Variants in FGD3 observed in about 807,000 individuals in gnomAD.
FGD3 encodes the protein FYVE, RhoGEF and PH domain containing 3.
In FGD3, 45 loss-of-function variants were observed where a neutral mutation model predicts 71.8. The ratio of observed to expected loss-of-function variants is 0.63; its 90% confidence interval spans 0.49 to 0.80. The LOEUF is 0.80. FGD3 is among the 30% of genes least tolerant of loss of function. The pLI, the probability that FGD3 is intolerant of heterozygous loss-of-function variation, is 0.00. For missense variants in FGD3, 844 were observed against 951.5 expected (o/e 0.89, Z 1.49); for synonymous variants, 378 against 392.8 (o/e 0.96, Z 0.44).
At position 93,023,795 on chromosome 9, in the gene FGD3, C is replaced by CTTTTTTT. The variant is rs569058583; in HGVS notation, c.1557+1426_1557+1432dup. ...ATGACAGGAACCCGCCCATCAGCAACTTTTTTTTTTTTTTTTTTTTTTTTT... is the reference window on the plus strand; with the variant it reads ...ATGACAGGAACCCGCCCATCAGCAACTTTTTTTTTTTTTTTTTTTTTTTTTTTTTTTT... On this transcript the variant is annotated intron_variant, in intron 14 of 17. Coordinates refer to ENST00000375482, the MANE Select transcript of FGD3 (RefSeq NM_001083536.2). Among the ~76,000 whole-genome samples, 220 of 107,676 alleles carry CTTTTTTT rather than the reference C, an allele frequency of 2.0e-3. 11 individuals carry two copies. The highest frequency in any genetic ancestry group is 0.011 in the East Asian group (37 of 3,472). 70.6% of individuals were successfully genotyped at this position (107,676 alleles called of 152,430 possible).
rs1409009325 is a variant in FGD3, at chr9:92,976,638, A to G, written c.382A>G (p.Ser128Gly). The G allele has an allele frequency of 9.3e-6, 15 of 1,612,740 alleles. No individual in the cohort carries two copies. Among genetic ancestry groups the G allele is most frequent in the Non-Finnish European group, 1.3e-5 (15 of 1,179,832 alleles). ...GGTCACCCCCCAGGAGGAGGCGGAC[A>G]GCGACGTGGGTGAGGAACCTGACTC... Reference protein sequence around the residue: ...PKVTPQEEADSDVGEEPDSEN... With the variant: ...PKVTPQEEADGDVGEEPDSEN... Residue 128 changes from serine (S) to glycine (G), a missense_variant, in exon 3 of 18, where the codon AGC becomes GGC. Transcript: ENST00000375482.
intron 3 of FGD3, 77 bp downstream of exon 3, chr9:92,976,786 T>A (rs1478394338): frequency 3.6e-6 from 5 of 1,388,296 alleles, no homozygotes; most frequent in Non-Finnish European, 4.8e-6. Context: ...TCAGTGGGCG[T>A]CATCCCACAC....
chr9:93,012,687 C>CGG (rs1279341124), intron 8 of FGD3, among the ~76,000 whole-genome samples: 3 of 59,050 alleles, frequency 5.1e-5, no homozygotes. Flanking sequence ...TGGGCGGTGG[C>CGG]GGGGTGTGGG....
At chr9:92,954,611 AG>A (rs1411934870) in intron 1 of FGD3, among the ~76,000 whole-genome samples, 9 of 152,214 alleles carry the variant, frequency 5.9e-5, no homozygotes. Context: ...CTCCTTCCTC[AG>A]GGGCCATCTC....
At chr9:93,019,937 G>C in intron 12 of FGD3, 76 bp downstream of exon 12, 1 of 1,546,364 alleles carries the variant, frequency 6.5e-7, no homozygotes, top group African/African-American at 1.4e-5. Flanking sequence ...TGGTTCAGAG[G>C]GTGGGGGCCC....
chr9:93,031,713 G>T (rs556209427), intron 15 of FGD3, among the ~76,000 whole-genome samples: 1 of 152,288 alleles, frequency 6.6e-6, no homozygotes, highest in Non-Finnish European at 1.5e-5. Context: ...GTGCCTGCAG[G>T]TTTAGGTTCA....
At chr9:92,989,830 T>A (rs1860333552) in intron 3 of FGD3, among the ~76,000 whole-genome samples, 1 of 152,298 alleles carries the variant, frequency 6.6e-6, no homozygotes, top group East Asian at 1.9e-4. Context: ...GGCAGTTTCT[T>A]GCATGACTCA....
intron 9 of FGD3, 198 bp from the exon 10 acceptor site, chr9:93,015,539 A>G: frequency 2.3e-6 from 1 of 432,840 alleles, no homozygotes; most frequent in Non-Finnish European, 4.1e-6. Flanking sequence ...GAAATGAACA[A>G]AAATAAAGCT....
intron 3 of FGD3, among the ~76,000 whole-genome samples, chr9:92,987,212 C>A (rs374715402): frequency 1.3e-5 from 2 of 152,142 alleles, no homozygotes; most frequent in African/African-American, 4.8e-5. Flanking sequence ...GTGGGCAGAT[C>A]ATGAGGTCAG....
At chr9:92,954,623 C>T (rs1329954356) in intron 1 of FGD3, among the ~76,000 whole-genome samples, 2 of 152,170 alleles carry the variant, frequency 1.3e-5, no homozygotes, top group African/African-American at 4.8e-5. Flanking sequence ...GGGCCATCTC[C>T]CAAGGATTCT....
chr9:92,986,844 G>A (rs1306972178), intron 3 of FGD3, among the ~76,000 whole-genome samples: 1 of 152,258 alleles, frequency 6.6e-6, no homozygotes, highest in Non-Finnish European at 1.5e-5. Flanking sequence ...CAGTAGTCAG[G>A]GGAAGGGTTA....
intron 7 of FGD3, among the ~76,000 whole-genome samples, chr9:93,010,832 G>A (rs895748113): frequency 6.6e-6 from 1 of 152,124 alleles, no homozygotes; most frequent in African/African-American, 2.4e-5. Flanking sequence ...TATGCGGGTG[G>A]ACATTGGTCT....
chr9:92,987,066 A>G (rs1860213528), intron 3 of FGD3, among the ~76,000 whole-genome samples: 1 of 152,226 alleles, frequency 6.6e-6, no homozygotes, highest in Admixed American at 6.5e-5. Context: ...TGCACAAGCC[A>G]TTTCAGAACA....
intron 1 of FGD3, among the ~76,000 whole-genome samples, chr9:92,960,187 C>T (rs1258957413): frequency 1.3e-5 from 2 of 152,036 alleles, no homozygotes; most frequent in Non-Finnish European, 2.9e-5. Context: ...CACTTATCCT[C>T]ACATCCCCAT....
At chr9:93,009,350 T>A (rs942037699) in intron 6 of FGD3, among the ~76,000 whole-genome samples, 1 of 152,226 alleles carries the variant, frequency 6.6e-6, no homozygotes, top group African/African-American at 2.4e-5. Context: ...GATTGTCGAC[T>A]TGGGTTTCTC....
rs1210875792 is a variant in FGD3 at position 92,976,299 on chromosome 9, G to A, written c.43G>A (p.Ala15Thr). 6.2e-7 allele frequency: 1 copy of A among 1,608,926 alleles called. No homozygotes were observed. Among genetic ancestry groups the A allele is most frequent in the South Asian group, 1.1e-5 (1 of 90,684 alleles). ...GTCCTCAACCCCTCCAGGACCCATT[G>A]CTGCCCTAGGGATGCCAGACACTGG... ...RGSSTPPGPI[A>T]ALGMPDTGPG... The change falls in exon 3 of 18, where the codon GCT becomes ACT. Residue 15 changes from alanine (A) to threonine (T), a missense_variant. Physicochemically the swap from Ala to Thr is moderately conservative, Grantham distance 58 (BLOSUM62 0). Transcript: ENST00000375482.
chr9:92,970,939 GC>G (rs565236849), intron 1 of FGD3, among the ~76,000 whole-genome samples: 184 of 152,254 alleles, frequency 1.2e-3, no homozygotes, highest in African/African-American at 4.4e-3. Context: ...TCCCTCTCCT[GC>G]CCCTCTATCC....
At chr9:92,971,960 C>A (rs1226826002) in intron 1 of FGD3, among the ~76,000 whole-genome samples, 1 of 146,508 alleles carries the variant, frequency 6.8e-6, no homozygotes, top group Non-Finnish European at 1.5e-5. Flanking sequence ...ATCCACCCCC[C>A]TCCCCCACAC....
rs1218640766 is a variant in FGD3 at position 92,969,476 on chromosome 9, A to G, written c.-217-5762A>G. Reference sequence around the variant, plus strand: ...CCGCTTTTAGATTGAAGTGGCATCAAAGAATATACGGGCAGTTTAAAAACC... The same window carrying G: ...CCGCTTTTAGATTGAAGTGGCATCAGAGAATATACGGGCAGTTTAAAAACC... On this transcript the variant is annotated intron_variant, in intron 1 of 17. Transcript: ENST00000375482. This position sits in a 1 kb window ranked among gnomAD's most constrained non-coding sequence, Gnocchi z 4.5. Among the ~76,000 whole-genome samples the G allele has an allele frequency of 1.3e-5, 2 of 152,364 alleles. No individual in the cohort carries two copies. The highest frequency in any genetic ancestry group is 2.1e-4 in the South Asian group (1 of 4,824).
Sources: gnomAD v4.1 joint callset for allele counts (sites outside exome capture counted in the v4.1 genomes callset) on GRCh38, gnomAD v4.1.1 for gene constraint, Gnocchi (gnomAD v3.1) non-coding constraint, MANE v1.5 for transcripts, NCBI Gene and HGNC (gene_info 2026-07-23, HGNC 2026-07-21) for gene names.